The following BBS5 variants were observed in gnomAD, a reference collection of about 807,000 sequenced individuals.
BBS5 encodes the protein BBSome complex member BBS5.
BBS5 carries 39 observed loss-of-function variants against 50.2 expected under a neutral mutation model. The ratio of observed to expected loss-of-function variants is 0.78; its 90% confidence interval spans 0.60 to 1.01. The LOEUF (loss-of-function observed/expected upper bound fraction) is 1.01, where lower values mean the gene tolerates loss of function less well. BBS5 is among the 50% of genes least tolerant of loss of function. BBS5 has a pLI of 0.00. For synonymous variants in BBS5, 134 were observed against 133.1 expected, an observed-to-expected ratio of 1.01 and a Z score of -0.05; for missense variants, 356 against 401.5, an observed-to-expected ratio of 0.89 and a Z score of 0.97.
intron 9 of BBS5, among the ~76,000 whole-genome samples, chr2:169,502,635 A>C (rs183180839): frequency 3.3e-5 from 5 of 152,322 alleles, no homozygotes; most frequent in Admixed American, 2.6e-4. Flanking sequence ...ATATTCAAAC[A>C]TTTGAAAAAT....
chr2:169,480,084 C>T (rs1395287575), intron 1 of BBS5, among the ~76,000 whole-genome samples: 1 of 152,168 alleles, frequency 6.6e-6, no homozygotes, highest in African/African-American at 2.4e-5. Context: ...CTAGAATCCT[C>T]ATGTCTGTAA....
intron 5 of BBS5, among the ~76,000 whole-genome samples, chr2:169,489,717 C>T (rs1489931981): frequency 6.6e-6 from 1 of 150,524 alleles, no homozygotes; most frequent in Non-Finnish European, 1.5e-5. Flanking sequence ...TTTTTTTAAG[C>T]TTTGCTAAGA....
At position 169,505,019 on chromosome 2, in the gene BBS5, T is replaced by G; in HGVS notation, c.*437T>G. The G allele has an allele frequency of 6.3e-7, 1 of 1,593,322 alleles. No individual in the cohort carries two copies. Among genetic ancestry groups the G allele is most frequent in the Non-Finnish European group, 8.6e-7 (1 of 1,166,214 alleles). Reference sequence around the variant, plus strand: ...TCCCAAAATGGCCGAAGCTGGACTGTACTGCTGCCATCTCTGGCTCACTGC... The same window carrying G: ...TCCCAAAATGGCCGAAGCTGGACTGGACTGCTGCCATCTCTGGCTCACTGC... On this transcript the variant is annotated 3_prime_UTR_variant, in exon 12 of 12. Transcript: ENST00000295240.
At chr2:169,486,190 G>C (rs1004039868) in intron 2 of BBS5, among the ~76,000 whole-genome samples, 18 of 152,270 alleles carry the variant, frequency 1.2e-4, no homozygotes, top group Non-Finnish European at 2.1e-4. Context: ...TAGTTTCTCT[G>C]ATTTTAGACA....
chr2:169,505,340 C>T lies in BBS5; in HGVS notation c.*758C>T, dbSNP rs1415454236. ...CTCCCAGCTGCCTGCCTTGGCCTCC[C>T]GAAGTGCCAAGAGTGCAGCCTCTGC... On this transcript the variant is annotated 3_prime_UTR_variant, in exon 12 of 12. Coordinates refer to ENST00000295240, the MANE Select transcript of BBS5 (RefSeq NM_152384.3). The T allele has an allele frequency of 1.9e-5, 7 of 364,884 alleles. No homozygotes were observed. The highest frequency in any genetic ancestry group is 1.5e-4 in the East Asian group (2 of 13,132). The allele number at this position is 364,884 out of a possible 1,614,324, so 22.6% of individuals were successfully genotyped here. A position where few individuals can be genotyped will look rare whatever the true frequency, so the allele number is the denominator to read the frequency against.
At chr2:169,494,943 C>T (rs72885839) in intron 7 of BBS5, among the ~76,000 whole-genome samples, 1 of 152,102 alleles carries the variant, frequency 6.6e-6, no homozygotes, top group Non-Finnish European at 1.5e-5. Flanking sequence ...AAGAATAATT[C>T]TTTGCAAAAT....
chr2:169,496,761 T>G (rs368067457), intron 7 of BBS5, among the ~76,000 whole-genome samples: 1 of 140,296 alleles, frequency 7.1e-6, no homozygotes, highest in East Asian at 2.3e-4. Flanking sequence ...CCCAGCTACT[T>G]GGGAGGCTGA....
chr2:169,496,545 C>T (rs1160767801), intron 7 of BBS5, among the ~76,000 whole-genome samples: 2 of 151,226 alleles, frequency 1.3e-5, no homozygotes, highest in Non-Finnish European at 2.9e-5. Context: ...ACCATCCTGA[C>T]TAACACAGTG....
At chr2:169,497,836 T>C in intron 8 of BBS5, 147 bp downstream of exon 8, 1 of 610,546 alleles carries the variant, frequency 1.6e-6, no homozygotes. Context: ...TTTGAAGTCA[T>C]ACAGAAATTG....
chr2:169,502,609 T>C (rs1239552728), intron 9 of BBS5, among the ~76,000 whole-genome samples: 1 of 152,228 alleles, frequency 6.6e-6, no homozygotes, highest in African/African-American at 2.4e-5. Flanking sequence ...GCATAGTACC[T>C]AATATAACAA....
At chr2:169,500,899 T>C (rs1005350993) in intron 9 of BBS5, among the ~76,000 whole-genome samples, 1 of 152,224 alleles carries the variant, frequency 6.6e-6, no homozygotes, top group South Asian at 2.1e-4. Flanking sequence ...TATCACCTGC[T>C]CGTTCAGCTT....
intron 1 of BBS5, among the ~76,000 whole-genome samples, chr2:169,481,829 C>A (rs1683403553): frequency 6.6e-6 from 1 of 152,138 alleles, no homozygotes; most frequent in Non-Finnish European, 1.5e-5. Context: ...AAGGCCTAAA[C>A]CTATCAGACT....
Position 169,504,763 on chromosome 2 carries a change from C to G in BBS5, c.*181C>G, listed in dbSNP as rs1298760316. The G allele has an allele frequency of 1.5e-6, 2 of 1,371,912 alleles. No homozygotes were observed. Among genetic ancestry groups the G allele is most frequent in the Non-Finnish European group, 1.0e-6 (1 of 997,652 alleles). The allele number at this position is 1,371,912 out of a possible 1,614,324, so 85.0% of individuals were successfully genotyped here. ...AAACTTCAGTTTTCGGCCAGCGCGTCGAGGGAGGGGCCAGCGACACATGGC... is the reference window on the plus strand; with the variant it reads ...AAACTTCAGTTTTCGGCCAGCGCGTGGAGGGAGGGGCCAGCGACACATGGC... On this transcript the variant is annotated 3_prime_UTR_variant, in exon 12 of 12. Coordinates refer to ENST00000295240, the MANE Select transcript of BBS5 (RefSeq NM_152384.3).
chr2:169,499,420 A>G (rs1019250013), intron 8 of BBS5, 66 bp from the exon 9 acceptor site: 125 of 1,487,088 alleles, frequency 8.4e-5, no homozygotes, highest in Non-Finnish European at 1.1e-4. Flanking sequence ...GCTATAATTT[A>G]TCTTATACTA....
Position 169,487,825 on chromosome 2 carries a change from A to G in BBS5, c.228A>G (p.Ile76Met). ...RVNVSVGYNC[I>M]LNITTRTANS... ...TTTTAGCTGTCGGTTACAATTGCAT[A>G]TTGAATATTACAACAAGGACTGCTA... The change falls in exon 4 of 12, where the codon ATA (isoleucine) becomes ATG (methionine). Residue 76 changes from isoleucine (I) to methionine (M), a missense_variant. Transcript: ENST00000295240. 4.4e-6 allele frequency: 7 copies of G among 1,608,338 alleles called. No individual in the cohort carries two copies. The highest frequency in any genetic ancestry group is 6.0e-6 in the Non-Finnish European group (7 of 1,175,548).
At chr2:169,489,188 TGGTGGC>T in intron 5 of BBS5, among the ~76,000 whole-genome samples, 1 of 152,058 alleles carries the variant, frequency 6.6e-6, no homozygotes. Flanking sequence ...GAGCCAGACG[TGGTGGC>T]GCACGTCTGT....
intron 9 of BBS5, among the ~76,000 whole-genome samples, chr2:169,500,536 C>G (rs1683782316): frequency 6.6e-6 from 1 of 152,222 alleles, no homozygotes; most frequent in Admixed American, 6.5e-5. Flanking sequence ...ATTATGCACT[C>G]TATTGTTGGT....
At chr2:169,479,754 C>T (rs988469181) in intron 1 of BBS5, 142 bp downstream of exon 1, 1 of 937,030 alleles carries the variant, frequency 1.1e-6, no homozygotes, top group Non-Finnish European at 1.7e-6. Context: ...GTCCGCGCCT[C>T]GAGAGACCTC....
At chr2:169,482,486 C>T in intron 2 of BBS5, 153 bp downstream of exon 2, 1 of 672,538 alleles carries the variant, frequency 1.5e-6, no homozygotes, top group East Asian at 2.7e-5. Context: ...CAGATTTAAA[C>T]AGAAGACAGG....
Sources: allele counts gnomAD v4.1 joint callset (sites outside exome capture counted in the v4.1 genomes callset), GRCh38; gene constraint gnomAD v4.1.1; transcripts MANE v1.5; gene names NCBI Gene and HGNC (gene_info 2026-07-23, HGNC 2026-07-21).